The following PITPNC1 variants were observed in gnomAD, a reference collection of about 807,000 sequenced individuals.
PITPNC1 encodes cytoplasmic phosphatidylinositol transfer protein 1.
A neutral mutation model predicts 44.7 loss-of-function variants in PITPNC1; 18 were observed. That is an observed-to-expected ratio of 0.40 (90% CI 0.28 to 0.60). The LOEUF is 0.60. Among genes scored for constraint, PITPNC1 ranks in the 20% least tolerant of loss-of-function variants. PITPNC1 has a pLI of 0.39. For synonymous variants in PITPNC1, 141 were observed against 149.6 expected (o/e 0.94, Z 0.42); for missense variants, 290 against 418.4 (o/e 0.69, Z 2.68).
At chr17:67,407,140 T>C (rs1264723212) in intron 1 of PITPNC1, among the ~76,000 whole-genome samples, 1 of 152,212 alleles carries the variant, frequency 6.6e-6, no homozygotes, top group Non-Finnish European at 1.5e-5. Flanking sequence ...CAGTGTACGA[T>C]GGTTCCAATT....
chr17:67,409,755 C>A (rs963861659), intron 1 of PITPNC1, among the ~76,000 whole-genome samples: 1 of 152,094 alleles, frequency 6.6e-6, no homozygotes, highest in Admixed American at 6.6e-5. Flanking sequence ...CCAGGCTGGT[C>A]TCAAACTCCT....
intron 5 of PITPNC1, among the ~76,000 whole-genome samples, chr17:67,627,647 G>A (rs1366410090): frequency 1.3e-5 from 2 of 152,188 alleles, no homozygotes; most frequent in Non-Finnish European, 2.9e-5. Flanking sequence ...TTTGATTGAT[G>A]TTTATCTTAG....
At chr17:67,557,278 C>T (rs2040851155) in intron 4 of PITPNC1, among the ~76,000 whole-genome samples, 1 of 152,162 alleles carries the variant, frequency 6.6e-6, no homozygotes, top group African/African-American at 2.4e-5. Flanking sequence ...GACCTCATCC[C>T]TACCTGATTA....
At chr17:67,673,956 G>C (rs2042556717) in intron 7 of PITPNC1, among the ~76,000 whole-genome samples, 1 of 108,534 alleles carries the variant, frequency 9.2e-6, no homozygotes, top group Admixed American at 1.2e-4. Flanking sequence ...GACAGAGCGA[G>C]ACTCCGTCTC....
chr17:67,463,854 ACT>A (rs1163287735), intron 1 of PITPNC1, among the ~76,000 whole-genome samples: 1 of 151,816 alleles, frequency 6.6e-6, no homozygotes, highest in Non-Finnish European at 1.5e-5. Context: ...TTGCAGCACC[ACT>A]GCACTCCAGT....
chr17:67,393,517 CCTCTGT>C (rs2038169954), intron 1 of PITPNC1, among the ~76,000 whole-genome samples: 1 of 152,020 alleles, frequency 6.6e-6, no homozygotes, highest in African/African-American at 2.4e-5. Context: ...TGAATTCTGC[CCTCTGT>C]CAAAGGAAGA....
chr17:67,522,162 G>A (rs1190846747), intron 1 of PITPNC1, among the ~76,000 whole-genome samples: 1 of 151,982 alleles, frequency 6.6e-6, no homozygotes, highest in Non-Finnish European at 1.5e-5. Context: ...AAATTAGCCG[G>A]GCGTGGTGGC....
At chr17:67,500,011 A>G (rs1307177483) in intron 1 of PITPNC1, among the ~76,000 whole-genome samples, 1 of 152,248 alleles carries the variant, frequency 6.6e-6, no homozygotes, top group African/African-American at 2.4e-5. Context: ...TATCAGTTTT[A>G]GAATTATCCA....
intron 6 of PITPNC1, among the ~76,000 whole-genome samples, chr17:67,640,685 GAAAAAA>G (rs71139165): frequency 3.0e-5 from 3 of 100,238 alleles, no homozygotes; most frequent in East Asian, 4.3e-4. Context: ...TGTTGAAAAA[GAAAAAA>G]AAAAAAAAAA....
intron 5 of PITPNC1, among the ~76,000 whole-genome samples, chr17:67,620,418 C>T (rs1479466087): frequency 6.6e-6 from 1 of 152,280 alleles, no homozygotes; most frequent in African/African-American, 2.4e-5. Flanking sequence ...TGAAAGGACA[C>T]AGGACAGTGT....
chr17:67,460,120 TAAATG>T lies in PITPNC1; in HGVS notation c.49-72679_49-72675del, dbSNP rs534950737. 2.6e-5 allele frequency among the ~76,000 whole-genome samples: 4 copies of T among 152,250 alleles called. No homozygotes were observed. The East Asian group carries it at 7.7e-4, about 29-fold the overall frequency. ...CTGTGCACTGCTGAAAAGATAAACT[TAAATG>T]AAGTGATTTATAACCTGTGGCAGGT... On this transcript the variant is annotated intron_variant, in intron 1 of 8. Coordinates refer to ENST00000581322, the MANE Select transcript of PITPNC1 (RefSeq NM_012417.4).
intron 1 of PITPNC1, among the ~76,000 whole-genome samples, chr17:67,416,088 CTG>C (rs1261272779): frequency 6.6e-6 from 1 of 151,694 alleles, no homozygotes. Flanking sequence ...TGGCTAATGA[CTG>C]GAGTCTTACG....
At position 67,692,877 on chromosome 17, in the gene PITPNC1, A is replaced by T; in HGVS notation, c.988A>T (p.Lys330Ter). 6.3e-7 allele frequency: 1 copy of T among 1,588,226 alleles called. No homozygotes were observed. Among genetic ancestry groups the T allele is most frequent in the Non-Finnish European group, 8.6e-7 (1 of 1,159,838 alleles). ...MHSSDKPCRP[K>*]SE ...CTCTTCAGATAAGCCATGTCGGCCC[A>T]AATCTGAGTAACTTTATATAAATAT... The change falls in exon 9 of 9, where the codon AAA becomes TAA. Residue 330 changes from lysine to a stop codon, truncating the protein, a stop_gained. Transcript: ENST00000581322. LOFTEE classifies it high-confidence loss of function.
intron 5 of PITPNC1, among the ~76,000 whole-genome samples, chr17:67,616,835 C>T (rs1169526856): frequency 6.6e-6 from 1 of 152,194 alleles, no homozygotes; most frequent in Non-Finnish European, 1.5e-5. Context: ...TCGCCTGGTG[C>T]GTTCGTCAGC....
intron 1 of PITPNC1, among the ~76,000 whole-genome samples, chr17:67,448,605 C>T (rs2039133798): frequency 6.6e-6 from 1 of 152,164 alleles, no homozygotes; most frequent in African/African-American, 2.4e-5. Flanking sequence ...TTCTCTAGAA[C>T]CCCTCTAGAA....
At chr17:67,548,810 C>G (rs149749085) in intron 2 of PITPNC1, among the ~76,000 whole-genome samples, 4 of 152,168 alleles carry the variant, frequency 2.6e-5, no homozygotes, top group African/African-American at 9.6e-5. Context: ...TGCTGCCTTT[C>G]TAATAGAGAG....
At chr17:67,411,878 G>A (rs1961705191) in intron 1 of PITPNC1, among the ~76,000 whole-genome samples, 1 of 152,076 alleles carries the variant, frequency 6.6e-6, no homozygotes, top group African/African-American at 2.4e-5. Flanking sequence ...CAGGAACTGG[G>A]AAACTGAGGC....
intron 5 of PITPNC1, among the ~76,000 whole-genome samples, chr17:67,590,519 A>G (rs2041375789): frequency 6.6e-6 from 1 of 152,230 alleles, no homozygotes; most frequent in Non-Finnish European, 1.5e-5. Flanking sequence ...CACCATTTGC[A>G]ACTATCATAA....
chr17:67,392,110 G>A (rs762589452), intron 1 of PITPNC1, among the ~76,000 whole-genome samples: 5 of 152,186 alleles, frequency 3.3e-5, no homozygotes, highest in African/African-American at 7.2e-5. Flanking sequence ...TAGTTCATGA[G>A]CACCTGTGAG....
Sources: gnomAD v4.1 joint callset for allele counts (sites outside exome capture counted in the v4.1 genomes callset) on GRCh38, gnomAD v4.1.1 for gene constraint, MANE v1.5 for transcripts, NCBI Gene and HGNC (gene_info 2026-07-23, HGNC 2026-07-21) for gene names.